The following VKORC1L1 variants were observed in gnomAD, a reference collection of about 807,000 sequenced individuals.
The protein encoded by VKORC1L1 is vitamin K epoxide reductase complex subunit 1L1.
VKORC1L1 carries 2 observed loss-of-function variants against 18.9 expected under a neutral mutation model. The ratio of observed to expected loss-of-function variants is 0.11; its 90% CI spans 0.04 to 0.33. The LOEUF is 0.33. Ranked by LOEUF, VKORC1L1 falls within the 10% of genes least tolerant of loss-of-function variation. The pLI is 1.00. For missense variants in VKORC1L1, 123 were observed against 224.1 expected (o/e 0.55, Z 2.88); for synonymous variants, 96 against 100.0 (o/e 0.96, Z 0.24).
upstream of VKORC1L1, among the ~76,000 whole-genome samples, chr7:65,870,269 A>G (rs1347730150): frequency 4.0e-5 from 6 of 150,518 alleles, no homozygotes; most frequent in Admixed American, 4.0e-4. Flanking sequence ...AGTACAGAAA[A>G]AAAAAAAAAA....
chr7:65,901,807 A>G (rs779092678), intron 1 of VKORC1L1, among the ~76,000 whole-genome samples: 4 of 152,164 alleles, frequency 2.6e-5, no homozygotes, highest in Non-Finnish European at 4.4e-5. Flanking sequence ...TGAGAGGAGA[A>G]CACCTGAGGC....
At chr7:65,904,987 G>A (rs1052709626) in intron 1 of VKORC1L1, among the ~76,000 whole-genome samples, 4 of 151,570 alleles carry the variant, frequency 2.6e-5, no homozygotes, top group East Asian at 3.9e-4. Flanking sequence ...ATACATGCAC[G>A]TGTATATACA....
chr7:65,915,074 T>C (rs1412475503), intron 1 of VKORC1L1, among the ~76,000 whole-genome samples: 1 of 124,056 alleles, frequency 8.1e-6, no homozygotes, highest in Admixed American at 8.1e-5. Context: ...TGTGAGCTTA[T>C]TTTTTTTCTT....
intron 1 of VKORC1L1, among the ~76,000 whole-genome samples, chr7:65,931,276 CCT>C (rs1789853234): frequency 6.6e-6 from 1 of 151,918 alleles, no homozygotes; most frequent in Non-Finnish European, 1.5e-5. Flanking sequence ...AGTGTTCCCT[CCT>C]CTTCTGTTTT....
At chr7:65,884,574 T>C (rs1394751388) in intron 1 of VKORC1L1, among the ~76,000 whole-genome samples, 1 of 152,154 alleles carries the variant, frequency 6.6e-6, no homozygotes, top group Non-Finnish European at 1.5e-5. Flanking sequence ...GAGGCAGAAG[T>C]TGCAGTGAGC....
intron 1 of VKORC1L1, among the ~76,000 whole-genome samples, chr7:65,914,421 A>G (rs1457889732): frequency 6.6e-6 from 1 of 152,068 alleles, no homozygotes; most frequent in African/African-American, 2.4e-5. Context: ...CTTTTTTGCC[A>G]CTGTCTCTCC....
upstream of VKORC1L1, among the ~76,000 whole-genome samples, chr7:65,871,194 C>CT (rs1304899721): frequency 2.0e-5 from 3 of 151,288 alleles, no homozygotes; most frequent in African/African-American, 2.4e-5. Context: ...TTCTTTCTTT[C>CT]TTTTTTTTCT....
intron 1 of VKORC1L1, among the ~76,000 whole-genome samples, chr7:65,934,233 TA>T (rs892934293): frequency 4.0e-5 from 6 of 151,516 alleles, no homozygotes; most frequent in South Asian, 4.2e-4. Context: ...CCCATCTCTT[TA>T]AAAAAAAATC....
chr7:65,921,305 C>A (rs1255474253), intron 1 of VKORC1L1, among the ~76,000 whole-genome samples: 3 of 152,194 alleles, frequency 2.0e-5, no homozygotes, highest in African/African-American at 7.2e-5. Context: ...GTGCCATGTT[C>A]ATTTTTCTCT....
At position 65,955,723 on chromosome 7, in the gene VKORC1L1, T is replaced by C. The variant is rs774437179; in HGVS notation, c.*1423T>C. On this transcript the variant is annotated 3_prime_UTR_variant, in exon 3 of 3. Transcript: ENST00000360768. ...TCACCGTCAGGTAGAAAACCTGCAC[T>C]CTGCAGAAGGGTCCTGTGTGATCAC... 7.2e-5 allele frequency: 11 copies of C among 152,374 alleles called. No homozygotes were observed. Among genetic ancestry groups the C allele is most frequent in the Middle Eastern group, 3.4e-3 (1 of 294 alleles). 9.4% of individuals were successfully genotyped at this position (152,374 alleles called of 1,614,324 possible). A position where few individuals can be genotyped will look rare whatever the true frequency, so the allele number is the denominator to read the frequency against.
intron 1 of VKORC1L1, among the ~76,000 whole-genome samples, chr7:65,937,444 G>A (rs1461316200): frequency 6.6e-6 from 1 of 152,082 alleles, no homozygotes; most frequent in Non-Finnish European, 1.5e-5. Flanking sequence ...TTTTAGGCTG[G>A]AGTGCAGTAG....
At chr7:65,873,672 G>A (rs1271788429) in intron 1 of VKORC1L1, 107 bp downstream of exon 1, 23 of 1,146,164 alleles carry the variant, frequency 2.0e-5, no homozygotes, top group Non-Finnish European at 2.4e-5. Context: ...GGCGGGGACC[G>A]GGCCGCTGGG....
At chr7:65,892,066 T>C (rs1789118487) in intron 1 of VKORC1L1, among the ~76,000 whole-genome samples, 1 of 152,208 alleles carries the variant, frequency 6.6e-6, no homozygotes, top group Non-Finnish European at 1.5e-5. Context: ...GGCTTATTTC[T>C]CTTAACATAA....
intron 1 of VKORC1L1, among the ~76,000 whole-genome samples, chr7:65,907,939 A>G (rs1789432896): frequency 6.6e-6 from 1 of 152,148 alleles, no homozygotes; most frequent in Non-Finnish European, 1.5e-5. Context: ...ACACTGGATT[A>G]AGTATGAAAA....
chr7:65,945,094 C>A (rs1790096878), intron 1 of VKORC1L1, among the ~76,000 whole-genome samples: 1 of 151,654 alleles, frequency 6.6e-6, no homozygotes, highest in Admixed American at 6.6e-5. Context: ...AACCCCATCT[C>A]TACTGAAAAT....
At chr7:65,937,719 T>G (rs1789966519) in intron 1 of VKORC1L1, among the ~76,000 whole-genome samples, 1 of 152,116 alleles carries the variant, frequency 6.6e-6, no homozygotes, top group Non-Finnish European at 1.5e-5. Flanking sequence ...TGGCTGACAC[T>G]CAGATTTTTA....
intron 1 of VKORC1L1, among the ~76,000 whole-genome samples, chr7:65,880,895 A>G (rs1788917129): frequency 2.0e-5 from 3 of 152,166 alleles, no homozygotes; most frequent in South Asian, 4.1e-4. Context: ...CTTTTCTTCT[A>G]TAAAGTTATT....
chr7:65,922,066 C>T (rs142697048), intron 1 of VKORC1L1, among the ~76,000 whole-genome samples: 96 of 152,290 alleles, frequency 6.3e-4, no homozygotes, highest in Non-Finnish European at 1.1e-3. Flanking sequence ...TATCACTTTT[C>T]TGTCAGTGCG....
intron 1 of VKORC1L1, among the ~76,000 whole-genome samples, chr7:65,911,723 A>G (rs1177988651): frequency 1.3e-5 from 2 of 152,156 alleles, no homozygotes; most frequent in Non-Finnish European, 2.9e-5. Flanking sequence ...ATGAGCCACC[A>G]TGCCTGGCCT....
Sources: gnomAD v4.1 joint callset for allele counts (sites outside exome capture counted in the v4.1 genomes callset) on GRCh38, gnomAD v4.1.1 for gene constraint, MANE v1.5 for transcripts, NCBI Gene and HGNC (gene_info 2026-07-23, HGNC 2026-07-21) for gene names.